Variants in RARB observed in about 807,000 individuals in gnomAD.
The protein encoded by RARB is HBV-activated protein.
In RARB, 17 loss-of-function variants were observed where a neutral mutation model predicts 51.9. The ratio of observed to expected loss-of-function variants is 0.33; its 90% CI spans 0.22 to 0.49. The LOEUF is 0.49. Among genes scored for constraint, RARB ranks in the 20% least tolerant of loss-of-function variants. RARB has a pLI of 0.99. For synonymous variants in RARB, 215 were observed against 195.4 expected (o/e 1.10, Z -0.84); for missense variants, 369 against 550.8 (o/e 0.67, Z 3.30).
At chr3:25,055,422 C>T (rs74617668) in intron 2 of RARB, among the ~76,000 whole-genome samples, 6,303 of 152,132 alleles carry the variant, frequency 0.041, 260 homozygotes, top group East Asian at 0.19. Context: ...ACTGAGGGCC[C>T]TTAAGAATTG....
At chr3:25,354,828 T>A (rs1162228498) in intron 5 of RARB, among the ~76,000 whole-genome samples, 1 of 152,140 alleles carries the variant, frequency 6.6e-6, no homozygotes, top group African/African-American at 2.4e-5. Flanking sequence ...GTTACTGAGT[T>A]TCATGAACTG....
At chr3:25,332,259 C>T (rs1399800580) in intron 5 of RARB, among the ~76,000 whole-genome samples, 7 of 152,122 alleles carry the variant, frequency 4.6e-5, no homozygotes, top group Non-Finnish European at 7.4e-5. Flanking sequence ...TGATGAACAT[C>T]GATGCAGAAA....
At chr3:25,475,224 A>G (rs990678895) in intron 2 of RARB, among the ~76,000 whole-genome samples, 5 of 152,098 alleles carry the variant, frequency 3.3e-5, no homozygotes, top group Admixed American at 2.6e-4. Flanking sequence ...TTATTTGATT[A>G]TTTTTATCTG....
chr3:25,139,228 C>T (rs989452072), intron 4 of RARB, among the ~76,000 whole-genome samples: 1 of 152,078 alleles, frequency 6.6e-6, no homozygotes, highest in Non-Finnish European at 1.5e-5. Context: ...CAAGTCTCAC[C>T]TTTTAAATCA....
At chr3:25,355,289 G>A (rs1290192140) in intron 5 of RARB, among the ~76,000 whole-genome samples, 2 of 152,022 alleles carry the variant, frequency 1.3e-5, no homozygotes, top group Non-Finnish European at 2.9e-5. Context: ...TTAGGTTTGG[G>A]CGTGTTTTTT....
intron 1 of RARB, among the ~76,000 whole-genome samples, chr3:24,847,690 A>T (rs1263563953): frequency 2.0e-5 from 3 of 152,226 alleles, no homozygotes; most frequent in Non-Finnish European, 4.4e-5. Flanking sequence ...GGCCCTAGGT[A>T]GTTGGCCACC....
At chr3:25,312,555 G>A in intron 5 of RARB, among the ~76,000 whole-genome samples, 1 of 152,194 alleles carries the variant, frequency 6.6e-6, no homozygotes. Flanking sequence ...AAGAGGTATA[G>A]TAATGTAATT....
chr3:25,006,592 T>C (rs1183749056), intron 2 of RARB, among the ~76,000 whole-genome samples: 2 of 152,196 alleles, frequency 1.3e-5, no homozygotes, highest in Non-Finnish European at 2.9e-5. Flanking sequence ...TGATACCTTG[T>C]TTCTATTTTT....
chr3:25,481,546 G>A (rs924701214), intron 2 of RARB, among the ~76,000 whole-genome samples: 12 of 152,142 alleles, frequency 7.9e-5, no homozygotes, highest in African/African-American at 2.4e-4. Flanking sequence ...TTGTTCCCTC[G>A]GTTAAGCATG....
chr3:24,859,494 C>G (rs1189045995), intron 2 of RARB, among the ~76,000 whole-genome samples: 1 of 152,144 alleles, frequency 6.6e-6, no homozygotes, highest in African/African-American at 2.4e-5. Flanking sequence ...TAAAGCAGCT[C>G]TCTTGCTTTA....
At chr3:25,007,600 A>AAAAAAAAAAAAAAAAAAAAAAAAAC (rs1342393781) in intron 2 of RARB, among the ~76,000 whole-genome samples, 1 of 143,346 alleles carries the variant, frequency 7.0e-6, no homozygotes, top group African/African-American at 2.7e-5. Context: ...CTCAAAAAAA[A>AAAAAAAAAAAAAAAAAAAAAAAAAC]AAAACAAAAA....
intron 3 of RARB, among the ~76,000 whole-genome samples, chr3:25,130,446 T>C (rs1281572614): frequency 1.3e-5 from 2 of 152,106 alleles, no homozygotes; most frequent in African/African-American, 4.8e-5. Flanking sequence ...TGTGTTCCTA[T>C]ATAACTTTTC....
intron 5 of RARB, among the ~76,000 whole-genome samples, chr3:25,195,416 C>T (rs902832648): frequency 5.3e-5 from 8 of 151,974 alleles, no homozygotes; most frequent in Admixed American, 2.0e-4. Flanking sequence ...TCAGCAGTAA[C>T]ATGCTAAAGT....
chr3:25,475,130 A>G (rs1025932641), intron 2 of RARB, among the ~76,000 whole-genome samples: 7 of 152,216 alleles, frequency 4.6e-5, no homozygotes, highest in Admixed American at 3.9e-4. Context: ...GAGAGTTCAC[A>G]GGATTGATAT....
chr3:25,324,076 A>T (rs1163621271), intron 5 of RARB: 2 of 152,228 alleles, frequency 1.3e-5, no homozygotes, highest in African/African-American at 4.8e-5. Context: ...TCTCGGATGA[A>T]TTAGAAGATA....
At chr3:25,033,341 T>G (rs1354162301) in intron 2 of RARB, among the ~76,000 whole-genome samples, 2 of 152,206 alleles carry the variant, frequency 1.3e-5, no homozygotes, top group Middle Eastern at 3.2e-3. Context: ...CAGAATAAAT[T>G]ATTTCTCATA....
chr3:24,863,594 G>T (rs1407898135), intron 2 of RARB, among the ~76,000 whole-genome samples: 1 of 151,932 alleles, frequency 6.6e-6, no homozygotes, highest in Non-Finnish European at 1.5e-5. Context: ...TAGAAAACAG[G>T]GAATAAGATT....
intron 1 of RARB, among the ~76,000 whole-genome samples, chr3:24,856,601 C>G (rs1439442990): frequency 6.6e-6 from 1 of 152,148 alleles, no homozygotes; most frequent in African/African-American, 2.4e-5. Context: ...TTCTACCCTC[C>G]TAAATGTTCG....
intron 2 of RARB, among the ~76,000 whole-genome samples, chr3:25,494,252 C>CACACACAT (rs71295095): frequency 0.014 from 2,013 of 142,068 alleles, 19 homozygotes; most frequent in Non-Finnish European, 0.021. Context: ...CTGTATCTTA[C>CACACACAT]GCACACACAC....
Sources: allele counts gnomAD v4.1 joint callset (sites outside exome capture counted in the v4.1 genomes callset), GRCh38; gene constraint gnomAD v4.1.1; transcripts MANE v1.5; gene names NCBI Gene and HGNC (gene_info 2026-07-23, HGNC 2026-07-21).